The following AFG2A variants were observed in gnomAD, a reference collection of about 807,000 sequenced individuals.
AFG2A encodes the protein ATPase family gene 2 protein homolog A.
chr4:123,271,318 A>G, the AFG2A span, among the ~76,000 whole-genome samples: 2 of 152,204 alleles, frequency 1.3e-5, no homozygotes, highest in South Asian at 4.1e-4. Flanking sequence ...GAATGGCTTG[A>G]GGATGTTCTT....
chr4:122,998,254 T>A, the AFG2A span, among the ~76,000 whole-genome samples: 1 of 152,204 alleles, frequency 6.6e-6, no homozygotes, highest in Non-Finnish European at 1.5e-5. Context: ...CTCTGTTTTT[T>A]CTTCTAAGAG....
the AFG2A span, among the ~76,000 whole-genome samples, chr4:123,229,302 C>T: frequency 6.6e-6 from 1 of 151,890 alleles, no homozygotes; most frequent in South Asian, 2.1e-4. Context: ...TTAGCCAGAG[C>T]AAAGAGATTG....
the AFG2A span, among the ~76,000 whole-genome samples, chr4:123,249,738 G>A: frequency 2.0e-5 from 3 of 152,150 alleles, no homozygotes; most frequent in Non-Finnish European, 4.4e-5. Flanking sequence ...TCTACAATCT[G>A]TTGGGAAAGA....
the AFG2A span, among the ~76,000 whole-genome samples, chr4:123,208,075 T>C: frequency 1.3e-5 from 2 of 152,154 alleles, no homozygotes; most frequent in Non-Finnish European, 2.9e-5. Flanking sequence ...AGCATAAGAA[T>C]AGACTATATG....
chr4:123,185,846 G>A, the AFG2A span, among the ~76,000 whole-genome samples: 24 of 151,674 alleles, frequency 1.6e-4, no homozygotes, highest in Admixed American at 1.4e-3. Flanking sequence ...AGCCGAGATC[G>A]CGCCACTGCA....
the AFG2A span, among the ~76,000 whole-genome samples, chr4:122,941,345 T>G: frequency 1.3e-5 from 2 of 151,580 alleles, no homozygotes; most frequent in Non-Finnish European, 3.0e-5. Flanking sequence ...AAGAGGTCCT[T>G]CACGTCCCTT....
At chr4:123,156,676 G>A in the AFG2A span, among the ~76,000 whole-genome samples, 1 of 148,250 alleles carries the variant, frequency 6.7e-6, no homozygotes, top group Non-Finnish European at 1.5e-5. Context: ...AGTATCTCCA[G>A]TTTTTAAAAG....
the AFG2A span, among the ~76,000 whole-genome samples, chr4:123,218,999 A>T: frequency 6.6e-6 from 1 of 152,198 alleles, no homozygotes; most frequent in African/African-American, 2.4e-5. Flanking sequence ...TCTATATATG[A>T]GTTTATTAGG....
At chr4:123,112,089 A>G in the AFG2A span, among the ~76,000 whole-genome samples, 14 of 152,126 alleles carry the variant, frequency 9.2e-5, no homozygotes, top group African/African-American at 2.7e-4. Flanking sequence ...ATTATTATCT[A>G]TTGAGTGAAT....
chr4:123,275,697 G>C, the AFG2A span, among the ~76,000 whole-genome samples: 1 of 151,934 alleles, frequency 6.6e-6, no homozygotes, highest in Non-Finnish European at 1.5e-5. Flanking sequence ...CCCTCTTTGT[G>C]TCCATGTGTT....
chr4:122,998,881 T>C, the AFG2A span, among the ~76,000 whole-genome samples: 267 of 152,298 alleles, frequency 1.8e-3, 2 homozygotes, highest in African/African-American at 5.6e-3. Context: ...CCTGAGGAAT[T>C]GCCACACTGA....
At chr4:123,221,142 T>C in the AFG2A span, among the ~76,000 whole-genome samples, 1 of 152,034 alleles carries the variant, frequency 6.6e-6, no homozygotes, top group African/African-American at 2.4e-5. Flanking sequence ...CAAATGGAGA[T>C]GTGAGTTTTT....
chr4:123,015,574 G>A, the AFG2A span, among the ~76,000 whole-genome samples: 14 of 150,942 alleles, frequency 9.3e-5, no homozygotes, highest in South Asian at 4.2e-4. Context: ...AAAGTCTCCC[G>A]TGTCTACCTC....
chr4:123,251,827 A>C, the AFG2A span, among the ~76,000 whole-genome samples: 1 of 152,142 alleles, frequency 6.6e-6, no homozygotes, highest in Non-Finnish European at 1.5e-5. Context: ...TAAAACACTC[A>C]TTTTTAAGCA....
the AFG2A span, among the ~76,000 whole-genome samples, chr4:122,936,428 G>T: frequency 1.3e-5 from 2 of 152,320 alleles, no homozygotes; most frequent in Non-Finnish European, 2.9e-5. Context: ...ACTTTCTTTA[G>T]GTGCTTAGGT....
At chr4:123,029,570 G>C in the AFG2A span, among the ~76,000 whole-genome samples, 1 of 152,182 alleles carries the variant, frequency 6.6e-6, no homozygotes, top group Admixed American at 6.5e-5. Context: ...GAGTAAAGAT[G>C]GGGGAGGAGA....
the AFG2A span, among the ~76,000 whole-genome samples, chr4:123,143,357 A>G: frequency 6.6e-6 from 1 of 152,056 alleles, no homozygotes; most frequent in African/African-American, 2.4e-5. Context: ...TACATTAACT[A>G]TAAATAATCT....
the AFG2A span, among the ~76,000 whole-genome samples, chr4:123,050,113 T>C: frequency 6.6e-6 from 1 of 152,210 alleles, no homozygotes; most frequent in East Asian, 1.9e-4. Context: ...GTTTCCAAAG[T>C]TGTTCTTGTT....
At chr4:123,249,055 T>G in the AFG2A span, among the ~76,000 whole-genome samples, 2 of 152,220 alleles carry the variant, frequency 1.3e-5, no homozygotes, top group Non-Finnish European at 2.9e-5. Flanking sequence ...GTTTTTGAGC[T>G]AGAATTTTCC....
Sources: gnomAD v4.1 joint callset for allele counts (sites outside exome capture counted in the v4.1 genomes callset) on GRCh38, gnomAD v4.1.1 for gene constraint, MANE v1.5 for transcripts, NCBI Gene and HGNC (gene_info 2026-07-23, HGNC 2026-07-21) for gene names.